The following NEDD4L variants were observed in gnomAD, a reference collection of about 807,000 sequenced individuals.
NEDD4L encodes the protein E3 ubiquitin-protein ligase NEDD4-like.
A neutral mutation model predicts 148.9 loss-of-function variants in NEDD4L; 54 were observed. That is an observed-to-expected ratio of 0.36 (90% CI 0.29 to 0.45). NEDD4L has a LOEUF of 0.45. Ranked by LOEUF, NEDD4L falls within the 20% of genes least tolerant of loss-of-function variation. The probability of loss-of-function intolerance (pLI) is 1.00; values close to 1 mark genes in which losing one functional copy is unlikely to be tolerated. For missense variants in NEDD4L, 856 were observed against 1,233.8 expected, an observed-to-expected ratio of 0.69 and a Z score of 4.59; for synonymous variants, 433 against 440.7, an observed-to-expected ratio of 0.98 and a Z score of 0.22.
At chr18:58,364,429 G>T in intron 20 of NEDD4L, 96 bp downstream of exon 20, 1 of 709,308 alleles carries the variant, frequency 1.4e-6, no homozygotes, top group South Asian at 1.9e-5. Context: ...ACTTTTATAT[G>T]AATGCTAAAA....
chr18:58,303,265 A>C (rs761637404), intron 5 of NEDD4L, among the ~76,000 whole-genome samples: 1 of 152,194 alleles, frequency 6.6e-6, no homozygotes, highest in Non-Finnish European at 1.5e-5. Flanking sequence ...GTTGGTGCCT[A>C]GGATGCTCAT....
chr18:58,084,746 A>G (rs941225664), intron 1 of NEDD4L, among the ~76,000 whole-genome samples: 1 of 149,804 alleles, frequency 6.7e-6, no homozygotes, highest in Non-Finnish European at 1.5e-5. Flanking sequence ...CTAGGCTGGA[A>G]TGCAGTGGTA....
intron 1 of NEDD4L, among the ~76,000 whole-genome samples, chr18:58,067,746 A>G (rs1011634098): frequency 1.1e-4 from 16 of 152,278 alleles, no homozygotes; most frequent in African/African-American, 2.2e-4. Context: ...GGAGAAAGGA[A>G]TGTTGTACAG....
At chr18:58,349,392 A>G (rs1485068537) in intron 16 of NEDD4L, 145 bp from the exon 17 acceptor site, 9 of 651,950 alleles carry the variant, frequency 1.4e-5, no homozygotes, top group Non-Finnish European at 2.5e-5. Flanking sequence ...GGCTTCCTGT[A>G]CAAAACAGAG....
chr18:58,234,546 G>A (rs142074588), intron 2 of NEDD4L, among the ~76,000 whole-genome samples: 2 of 152,032 alleles, frequency 1.3e-5, no homozygotes, highest in East Asian at 3.9e-4. Context: ...TGTTGCCCAG[G>A]CTGGCTTTGA....
At position 58,115,173 on chromosome 18, in the gene NEDD4L, C is replaced by T. The variant is rs149648095; in HGVS notation, c.49-50615C>T. ...GGCTCACTGGCCTTTGTCTTCTTGC[C>T]GACTCCTATTGGTATTTGCCTGAGA... is the stretch of plus-strand genomic sequence containing the variant. On this transcript the variant is annotated intron_variant, in intron 1 of 30. Coordinates refer to ENST00000400345, the MANE Select transcript of NEDD4L (RefSeq NM_001144967.3). Among the ~76,000 whole-genome samples the T allele has an allele frequency of 7.6e-3, 1,148 of 151,854 alleles. 2 individuals carry two copies. The highest frequency in any genetic ancestry group is 0.013 in the Non-Finnish European group (855 of 67,922).
At chr18:58,183,626 C>G (rs2039097607) in intron 2 of NEDD4L, among the ~76,000 whole-genome samples, 1 of 152,210 alleles carries the variant, frequency 6.6e-6, no homozygotes, top group Non-Finnish European at 1.5e-5. Flanking sequence ...TGAGTATTCA[C>G]TTCGAAGCTC....
intron 1 of NEDD4L, among the ~76,000 whole-genome samples, chr18:58,057,522 G>A (rs2082142539): frequency 1.3e-5 from 2 of 152,152 alleles, no homozygotes; most frequent in African/African-American, 4.8e-5. Flanking sequence ...AGCTGCACCT[G>A]GATGGGGTAG....
intron 1 of NEDD4L, among the ~76,000 whole-genome samples, chr18:58,056,682 G>A (rs1316678118): frequency 6.6e-6 from 1 of 152,038 alleles, no homozygotes; most frequent in Non-Finnish European, 1.5e-5. Context: ...CTGGGTTTAA[G>A]CGATTCTCCT....
At chr18:58,347,181 A>C in intron 16 of NEDD4L, among the ~76,000 whole-genome samples, 3 of 129,132 alleles carry the variant, frequency 2.3e-5, no homozygotes, top group Admixed American at 8.2e-5. Flanking sequence ...CTTTTCTCTA[A>C]TTTCAGCTTC....
chr18:58,138,181 C>T (rs1194115166), intron 1 of NEDD4L, among the ~76,000 whole-genome samples: 1 of 152,200 alleles, frequency 6.6e-6, no homozygotes, highest in Admixed American at 6.5e-5. Flanking sequence ...TTTCTTCTAA[C>T]CTATTTTTAT....
chr18:58,199,530 C>T (rs955261869), intron 2 of NEDD4L, among the ~76,000 whole-genome samples: 3 of 152,126 alleles, frequency 2.0e-5, no homozygotes, highest in East Asian at 3.8e-4. Flanking sequence ...CTTGTAATCC[C>T]GGCACTTTAG....
intron 5 of NEDD4L, among the ~76,000 whole-genome samples, chr18:58,303,831 C>T (rs59221834): frequency 1.2e-3 from 183 of 152,322 alleles, no homozygotes; most frequent in African/African-American, 4.2e-3. Context: ...AATCCTAGTC[C>T]TGCCACTTTC....
At chr18:58,143,084 G>A (rs2033726979) in intron 1 of NEDD4L, among the ~76,000 whole-genome samples, 2 of 152,082 alleles carry the variant, frequency 1.3e-5, no homozygotes, top group South Asian at 4.2e-4. Context: ...GGAGGGAAAT[G>A]GTACATATTA....
rs2054559122 is a variant in NEDD4L, at chr18:58,290,436, T to TGTTGGC, written c.298-25546_298-25545insGTTGGC. ...ATACTATCTGTCATTTGCTTGATGC[T>TGTTGGC]ATTGGCAAATGTGAAGCAGTTACCA... On this transcript the variant is annotated intron_variant, in intron 5 of 30. Coordinates refer to ENST00000400345, the MANE Select transcript of NEDD4L (RefSeq NM_001144967.3). Among the ~76,000 whole-genome samples the TGTTGGC allele has an allele frequency of 5.3e-5, 8 of 152,372 alleles. No individual in the cohort carries two copies. In the South Asian group the frequency reaches 1.7e-3, roughly 32 times the overall value.
At chr18:58,100,712 C>T (rs981254762) in intron 1 of NEDD4L, among the ~76,000 whole-genome samples, 17 of 152,140 alleles carry the variant, frequency 1.1e-4, no homozygotes, top group African/African-American at 2.7e-4. Context: ...CTTCCTCCTA[C>T]GTACTTAGCT....
intron 6 of NEDD4L, 24 bp from the exon 7 acceptor site, chr18:58,322,401 T>A (rs1482825274): frequency 1.3e-6 from 2 of 1,526,254 alleles, no homozygotes; most frequent in Non-Finnish European, 1.8e-6. Context: ...TATTAAAATT[T>A]AATTTACTGT....
intron 16 of NEDD4L, among the ~76,000 whole-genome samples, chr18:58,344,412 G>A (rs1179321462): frequency 6.6e-6 from 1 of 152,120 alleles, no homozygotes; most frequent in Admixed American, 6.5e-5. Flanking sequence ...CTGCTACCAG[G>A]TGCTAATGGT....
chr18:58,140,462 G>T (rs1347607677), intron 1 of NEDD4L, among the ~76,000 whole-genome samples: 1 of 152,012 alleles, frequency 6.6e-6, no homozygotes, highest in Non-Finnish European at 1.5e-5. Flanking sequence ...GTAATCAGTG[G>T]ATTCTTTTGT....
Sources: allele counts gnomAD v4.1 joint callset (sites outside exome capture counted in the v4.1 genomes callset), GRCh38; gene constraint gnomAD v4.1.1; transcripts MANE v1.5; gene names NCBI Gene and HGNC (gene_info 2026-07-23, HGNC 2026-07-21).